Variants in SLC1A2 observed in about 807,000 individuals in gnomAD.
SLC1A2 encodes the protein excitatory amino acid transporter 2.
In SLC1A2, 15 loss-of-function variants were observed where a neutral mutation model predicts 48.8. That is an observed-to-expected ratio of 0.31 (90% confidence interval 0.21 to 0.47). The LOEUF is 0.47. Among genes scored for constraint, SLC1A2 ranks in the 20% least tolerant of loss-of-function variants. SLC1A2 has a pLI of 0.99. For synonymous variants in SLC1A2, 279 were observed against 272.6 expected (o/e 1.02, Z -0.23); for missense variants, 502 against 730.5 (o/e 0.69, Z 3.61).
At chr11:35,408,268 T>G (rs1305633352) in intron 1 of SLC1A2, among the ~76,000 whole-genome samples, 2 of 152,194 alleles carry the variant, frequency 1.3e-5, no homozygotes, top group African/African-American at 4.8e-5. Flanking sequence ...TGCCATCTTC[T>G]AACTAGTCTC....
chr11:35,351,324 TC>T lies in SLC1A2; in HGVS notation c.18-33809del, dbSNP rs762360744. On this transcript the variant is annotated intron_variant, in intron 1 of 10. Transcript: ENST00000278379. ...GTGAACTTCCCACTCCTTCTCTGCC[TC>T]CCAAAATGACCAGAACATCTCTGCT... is the stretch of plus-strand genomic sequence containing the variant. Among the ~76,000 whole-genome samples, 116 of 152,182 alleles carry T rather than the reference TC, an allele frequency of 7.6e-4. 1 individual carries two copies. Among genetic ancestry groups the T allele is most frequent in the Non-Finnish European group, 1.2e-3 (85 of 68,042 alleles).
intron 1 of SLC1A2, among the ~76,000 whole-genome samples, chr11:35,392,181 C>G (rs542691646): frequency 2.0e-4 from 31 of 152,180 alleles, no homozygotes; most frequent in Admixed American, 5.9e-4. Context: ...CTTACACATA[C>G]TTTTAAGTGT....
intron 8 of SLC1A2, among the ~76,000 whole-genome samples, chr11:35,284,001 G>A (rs1000436832): frequency 6.9e-6 from 1 of 145,638 alleles, no homozygotes; most frequent in Non-Finnish European, 1.5e-5. Context: ...AGCCACCCTA[G>A]AATTTGTTAT....
chr11:35,402,828 A>G (rs918354837), intron 1 of SLC1A2, among the ~76,000 whole-genome samples: 8 of 152,346 alleles, frequency 5.3e-5, no homozygotes, highest in East Asian at 3.9e-4. Context: ...TGGAAGTAAA[A>G]ACAGTTATGG....
At position 35,260,253 on chromosome 11, in the gene SLC1A2, A is replaced by T. The variant is rs1307359863; in HGVS notation, c.*641T>A. On this transcript the variant is annotated 3_prime_UTR_variant, in exon 11 of 11. Transcript: ENST00000278379. ...ACAGATTACACAGGGTAAGGCAGAG[A>T]TGTAACAGGTTCTTTAATCAACTGC... The T allele has an allele frequency of 6.6e-6, 1 of 152,336 alleles. No individual in the cohort carries two copies. The highest frequency in any genetic ancestry group is 1.5e-5 in the Non-Finnish European group (1 of 68,132). The allele number at this position is 152,336 out of a possible 1,614,324, so 9.4% of individuals were successfully genotyped here.
chr11:35,367,222 A>G (rs1590234621), intron 1 of SLC1A2, among the ~76,000 whole-genome samples: 1 of 152,364 alleles, frequency 6.6e-6, no homozygotes, highest in East Asian at 1.9e-4. Context: ...AATAACTGGT[A>G]GATTTGACCC....
At chr11:35,359,336 A>C (rs954421545) in intron 1 of SLC1A2, among the ~76,000 whole-genome samples, 2 of 152,200 alleles carry the variant, frequency 1.3e-5, no homozygotes, top group Non-Finnish European at 2.9e-5. Flanking sequence ...ATTCTTCAAG[A>C]TCCAATCATG....
At chr11:35,325,955 A>T (rs1254883362) in intron 1 of SLC1A2, among the ~76,000 whole-genome samples, 1 of 106,556 alleles carries the variant, frequency 9.4e-6, no homozygotes, top group Non-Finnish European at 1.8e-5. Flanking sequence ...CAAGGGTGAA[A>T]TTCTATCTCA....
At chr11:35,370,815 C>T (rs922228250) in intron 1 of SLC1A2, 6 of 267,792 alleles carry the variant, frequency 2.2e-5, no homozygotes, top group Non-Finnish European at 3.4e-5. Flanking sequence ...AGCATTGCAG[C>T]AGCCAGGTAG....
At chr11:35,263,856 G>C (rs778380637) in intron 10 of SLC1A2, 3 of 152,128 alleles carry the variant, frequency 2.0e-5, no homozygotes, top group Admixed American at 6.5e-5. Context: ...CAAAATATAG[G>C]ATCTCACAGG....
chr11:35,273,792 C>A (rs1335339417), intron 9 of SLC1A2, among the ~76,000 whole-genome samples: 1 of 152,168 alleles, frequency 6.6e-6, no homozygotes, highest in African/African-American at 2.4e-5. Flanking sequence ...GTGGAAGGGG[C>A]AGGACCAGGA....
At chr11:35,334,773 G>T (rs1380940586) in intron 1 of SLC1A2, among the ~76,000 whole-genome samples, 3 of 151,962 alleles carry the variant, frequency 2.0e-5, no homozygotes, top group Non-Finnish European at 4.4e-5. Context: ...TGAAGATTTG[G>T]TGAGTTGGAC....
chr11:35,345,201 A>C (rs1852984633), intron 1 of SLC1A2, among the ~76,000 whole-genome samples: 1 of 152,210 alleles, frequency 6.6e-6, no homozygotes, highest in African/African-American at 2.4e-5. Context: ...TGCTAAGACC[A>C]TCACACCTCA....
At chr11:35,345,098 C>T (rs567365329) in intron 1 of SLC1A2, among the ~76,000 whole-genome samples, 15 of 152,246 alleles carry the variant, frequency 9.9e-5, no homozygotes, top group South Asian at 2.1e-4. Context: ...ATAAACAAGC[C>T]GATTTAAGCA....
chr11:35,279,376 T>C (rs1850547579), intron 9 of SLC1A2, among the ~76,000 whole-genome samples: 2 of 152,248 alleles, frequency 1.3e-5, no homozygotes, highest in Non-Finnish European at 2.9e-5. Flanking sequence ...TGTCCTTCAC[T>C]GGGAAAGGTA....
intron 1 of SLC1A2, among the ~76,000 whole-genome samples, chr11:35,345,004 C>A (rs10836376): frequency 0.37 from 55,485 of 151,864 alleles, 10,456 homozygotes; most frequent in South Asian, 0.54. Flanking sequence ...ACAGTGAGCA[C>A]GTAACTGAGA....
chr11:35,317,655 A>T, intron 1 of SLC1A2, 139 bp from the exon 2 acceptor site: 1 of 1,002,790 alleles, frequency 1.0e-6, no homozygotes. Flanking sequence ...AGTGTGACTC[A>T]GGGTCACCTA....
intron 6 of SLC1A2, among the ~76,000 whole-genome samples, chr11:35,300,812 T>C (rs974539622): frequency 6.6e-5 from 10 of 152,072 alleles, no homozygotes; most frequent in Non-Finnish European, 4.4e-5. Flanking sequence ...GCCCAGAAGT[T>C]TGAGATCAGC....
intron 1 of SLC1A2, among the ~76,000 whole-genome samples, chr11:35,416,435 G>A (rs911438163): frequency 2.6e-5 from 4 of 152,196 alleles, no homozygotes; most frequent in Non-Finnish European, 5.9e-5. Flanking sequence ...AGAGTTACTG[G>A]AAGAATCAAA....
Sources: gnomAD v4.1 joint callset for allele counts (sites outside exome capture counted in the v4.1 genomes callset) on GRCh38, gnomAD v4.1.1 for gene constraint, MANE v1.5 for transcripts, NCBI Gene and HGNC (gene_info 2026-07-23, HGNC 2026-07-21) for gene names.